PXDNL: variants seen among roughly 807,000 people sequenced by gnomAD.
The protein encoded by PXDNL is probable oxidoreductase PXDNL.
A neutral mutation model predicts 150.8 loss-of-function variants in PXDNL; 145 were observed. The ratio of observed to expected loss-of-function variants is 0.96; its 90% CI spans 0.84 to 1.10. PXDNL has a LOEUF of 1.10. Among genes scored for constraint, PXDNL ranks in the 50% least tolerant of loss-of-function variants. PXDNL has a pLI of 0.00. For missense variants in PXDNL, 2,087 were observed against 1,873.9 expected (o/e 1.11, Z -2.10); for synonymous variants, 757 against 725.7 (o/e 1.04, Z -0.69).
intron 4 of PXDNL, among the ~76,000 whole-genome samples, chr8:51,508,460 C>T (rs911665447): frequency 3.3e-5 from 5 of 152,178 alleles, no homozygotes; most frequent in African/African-American, 1.2e-4. Context: ...TGGAATGCGT[C>T]GGTTAGTCCC....
intron 1 of PXDNL, among the ~76,000 whole-genome samples, chr8:51,749,219 T>A (rs2130972087): frequency 1.3e-5 from 2 of 152,342 alleles, no homozygotes; most frequent in South Asian, 2.1e-4. Context: ...CTAAGCTACA[T>A]CCTACGACAC....
chr8:51,756,164 T>G (rs962096936), intron 1 of PXDNL, among the ~76,000 whole-genome samples: 35 of 151,994 alleles, frequency 2.3e-4, no homozygotes, highest in Non-Finnish European at 4.4e-4. Context: ...GAGGCCAAGG[T>G]GGGCAGATCA....
chr8:51,585,488 G>A (rs1813303156), intron 3 of PXDNL, among the ~76,000 whole-genome samples: 1 of 151,972 alleles, frequency 6.6e-6, no homozygotes. Flanking sequence ...GAGATTAGAG[G>A]GTGAGCAGTC....
chr8:51,559,330 A>ACCCCCCCCC (rs59230172), intron 3 of PXDNL, among the ~76,000 whole-genome samples: 18 of 98,148 alleles, frequency 1.8e-4, no homozygotes, highest in East Asian at 6.6e-4. Context: ...TTTCTTCCAA[A>ACCCCCCCCC]CCCCCCCCCC....
intron 2 of PXDNL, among the ~76,000 whole-genome samples, chr8:51,597,049 A>T (rs1205686744): frequency 6.6e-6 from 1 of 152,222 alleles, no homozygotes; most frequent in Non-Finnish European, 1.5e-5. Context: ...TCTTAGATTC[A>T]AATATTTAAT....
intron 2 of PXDNL, among the ~76,000 whole-genome samples, chr8:51,635,583 C>T (rs1292048969): frequency 1.3e-5 from 2 of 151,674 alleles, no homozygotes; most frequent in African/African-American, 2.4e-5. Flanking sequence ...AAATTGTACA[C>T]CAACAAATTA....
chr8:51,622,056 T>C (rs1814269936), intron 2 of PXDNL, among the ~76,000 whole-genome samples: 1 of 152,130 alleles, frequency 6.6e-6, no homozygotes, highest in South Asian at 2.1e-4. Flanking sequence ...AAGTAGAGTT[T>C]TCTGTAGTTC....
chr8:51,648,496 A>G (rs1300406902), intron 2 of PXDNL, among the ~76,000 whole-genome samples: 2 of 152,228 alleles, frequency 1.3e-5, no homozygotes, highest in Non-Finnish European at 2.9e-5. Context: ...AGAGGCAAGG[A>G]GAAGTTTCTC....
At chr8:51,374,790 T>C (rs2130791253) in intron 17 of PXDNL, 59 bp from the exon 18 acceptor site, 1 of 1,566,514 alleles carries the variant, frequency 6.4e-7, no homozygotes, top group Non-Finnish European at 8.7e-7. Context: ...TTGAAAATAT[T>C]CCTTATGTGA....
intron 3 of PXDNL, among the ~76,000 whole-genome samples, chr8:51,563,121 A>C (rs968351583): frequency 1.3e-5 from 2 of 151,972 alleles, no homozygotes; most frequent in African/African-American, 4.8e-5. Flanking sequence ...CCATGAAAAC[A>C]ACCAAGAGGT....
At chr8:51,704,377 A>C (rs549578512) in intron 1 of PXDNL, among the ~76,000 whole-genome samples, 1 of 152,328 alleles carries the variant, frequency 6.6e-6, no homozygotes, top group African/African-American at 2.4e-5. Flanking sequence ...TAGTCTGTGC[A>C]TTCAACTATT....
Position 51,457,667 on chromosome 8 carries a change from G to A in PXDNL, c.813C>T (p.Asn271=), listed in dbSNP as rs933881624. Residue 271 remains asparagine, a splice_region_variant and synonymous_variant, in exon 9 of 23, where the codon AAC becomes AAT. Transcript: ENST00000356297. The part of the protein sequence containing the change: ...PKPEIIWIHN[N]HSLDLEDDTR... The stretch of plus-strand genomic sequence containing the variant: ...TATCATCTTCCAAATCCAATGAGTG[G>A]CTGGAAATATAGGTTATACATGTAT... The A allele has an allele frequency of 1.9e-6, 3 of 1,610,344 alleles. No individual in the cohort carries two copies. Among genetic ancestry groups the A allele is most frequent in the South Asian group, 1.1e-5 (1 of 90,756 alleles).
chr8:51,490,310 A>C (rs1810861244), intron 5 of PXDNL, among the ~76,000 whole-genome samples: 1 of 152,174 alleles, frequency 6.6e-6, no homozygotes, highest in Non-Finnish European at 1.5e-5. Context: ...ATCCTACAAT[A>C]ATTTAGTTAA....
chr8:51,426,867 A>G (rs538927833), intron 12 of PXDNL, 109 bp from the exon 13 acceptor site: 3 of 621,564 alleles, frequency 4.8e-6, no homozygotes, highest in Non-Finnish European at 8.4e-6. Context: ...TAAGCACACT[A>G]GTTTTTTAAA....
intron 1 of PXDNL, among the ~76,000 whole-genome samples, chr8:51,745,873 G>A (rs1009991490): frequency 6.6e-6 from 1 of 151,804 alleles, no homozygotes; most frequent in African/African-American, 2.4e-5. Flanking sequence ...AGGTTCAGGT[G>A]ATTCTCCTGC....
chr8:51,682,030 C>T (rs1815760844), intron 1 of PXDNL, among the ~76,000 whole-genome samples: 1 of 152,092 alleles, frequency 6.6e-6, no homozygotes, highest in South Asian at 2.1e-4. Flanking sequence ...TACGTAGAAT[C>T]ATACCATTCA....
chr8:51,465,483 G>A lies in PXDNL; in HGVS notation c.812+6704C>T, dbSNP rs189402453. Among the ~76,000 whole-genome samples, 56 of 152,210 alleles carry A rather than the reference G, an allele frequency of 3.7e-4. 1 individual carries two copies. Among genetic ancestry groups the A allele is most frequent in the Middle Eastern group, 3.4e-3 (1 of 294 alleles). ...GGCAAAAGCTGGAAGCATTCCCCTTGAGAACCAAAACAAGACAAGAATGTC... is the reference window on the plus strand; with the variant it reads ...GGCAAAAGCTGGAAGCATTCCCCTTAAGAACCAAAACAAGACAAGAATGTC... On this transcript the variant is annotated intron_variant, in intron 8 of 22. Transcript: ENST00000356297.
chr8:51,434,180 T>A (rs1809332050), intron 12 of PXDNL, among the ~76,000 whole-genome samples: 2 of 152,208 alleles, frequency 1.3e-5, no homozygotes. Context: ...TTTACAGTTA[T>A]TTTTGTCGAA....
At chr8:51,667,335 C>A (rs975521038) in intron 1 of PXDNL, among the ~76,000 whole-genome samples, 2 of 152,204 alleles carry the variant, frequency 1.3e-5, no homozygotes, top group South Asian at 2.1e-4. Context: ...TTTTACACTC[C>A]TTGCAGTTCC....
Sources: gnomAD v4.1 joint callset for allele counts (sites outside exome capture counted in the v4.1 genomes callset) on GRCh38, gnomAD v4.1.1 for gene constraint, MANE v1.5 for transcripts, NCBI Gene and HGNC (gene_info 2026-07-23, HGNC 2026-07-21) for gene names.